KCNU1: variants seen among roughly 807,000 people sequenced by gnomAD.
The protein encoded by KCNU1 is potassium channel subfamily U member 1.
In KCNU1, 93 loss-of-function variants were observed where a neutral mutation model predicts 126.8. The observed-to-expected ratio is 0.73, with a 90% CI of 0.62 to 0.87. The LOEUF is 0.87. Among genes scored for constraint, KCNU1 ranks in the 40% least tolerant of loss-of-function variants. The pLI is 0.00. For synonymous variants in KCNU1, 523 were observed against 494.2 expected, an observed-to-expected ratio of 1.06 and a Z score of -0.77; for missense variants, 1,330 against 1,367.1, an observed-to-expected ratio of 0.97 and a Z score of 0.43.
chr8:36,867,760 A>G (rs1214144546), intron 19 of KCNU1, among the ~76,000 whole-genome samples: 1 of 152,132 alleles, frequency 6.6e-6, no homozygotes, highest in East Asian at 1.9e-4. Context: ...ATAATTTAAC[A>G]TATCAGAATT....
Position 36,909,358 on chromosome 8 carries a change from A to C in KCNU1, c.2154A>C (p.Ala718=). ...ATAAGTTTCGGAACCATATTGTAGC[A>C]TGTGTATTTGGAGATGCCCACTCAG... ...SKYKFRNHIV[A]CVFGDAHSAP... The change falls in exon 21 of 27, where the codon GCA becomes GCC. Residue 718 remains alanine, a synonymous_variant. Coordinates refer to ENST00000399881, the MANE Select transcript of KCNU1 (RefSeq NM_001031836.3). 1 of 1,613,770 alleles carries C rather than the reference A, an allele frequency of 6.2e-7. No individual in the cohort carries two copies. The highest frequency in any genetic ancestry group is 2.2e-5 in the East Asian group (1 of 44,868).
chr8:36,814,096 T>C (rs1395193551), intron 7 of KCNU1, 111 bp from the exon 8 acceptor site: 3 of 739,816 alleles, frequency 4.1e-6, no homozygotes, highest in South Asian at 1.9e-5. Context: ...AGCCATTTGG[T>C]ATTTCATTTG....
intron 19 of KCNU1, among the ~76,000 whole-genome samples, chr8:36,879,978 A>G (rs1806414072): frequency 6.6e-6 from 1 of 152,246 alleles, no homozygotes; most frequent in South Asian, 2.1e-4. Flanking sequence ...TCCAGCGTAC[A>G]GCAACTCTGG....
At chr8:36,849,632 C>T (rs1563293841) in intron 18 of KCNU1, among the ~76,000 whole-genome samples, 1 of 152,060 alleles carries the variant, frequency 6.6e-6, no homozygotes, top group Non-Finnish European at 1.5e-5. Context: ...AACCTCATTT[C>T]TTTTTCTTGC....
In KCNU1 at chr8:36,833,591, T is replaced by C. The variant is rs186130705; in HGVS notation, c.1144T>C (p.Cys382Arg). Residue 382 changes from cysteine to arginine, a missense_variant, in exon 11 of 27, where the codon TGC (cysteine) becomes CGC (arginine). Cys to Arg is a radical substitution (Grantham distance 180). Around this residue, in one of 3 missense-constraint regions of KCNU1, gnomAD observed 1,054 missense variants for 1,053.9 expected, o/e 1.00. Coordinates refer to ENST00000399881, the MANE Select transcript of KCNU1 (RefSeq NM_001031836.3). The stretch of plus-strand genomic sequence containing the variant: ...TTTGGAACTTGAAACCATATTTAAA[T>C]GCTACTTGGCCTACACAACGTTCAT... The part of the protein sequence containing the change: ...PSLELETIFK[C>R]YLAYTTFISG... The C allele has an allele frequency of 1.9e-3, 3,060 of 1,612,252 alleles. 4 individuals are homozygous for C. Among genetic ancestry groups the C allele is most frequent in the Non-Finnish European group, 2.3e-3 (2,726 of 1,178,594 alleles).
intron 19 of KCNU1, among the ~76,000 whole-genome samples, chr8:36,893,649 G>T (rs1461794648): frequency 6.6e-6 from 1 of 151,996 alleles, no homozygotes; most frequent in Non-Finnish European, 1.5e-5. Context: ...ATAGTGGAAT[G>T]GGAATAGCAC....
At chr8:36,899,424 T>C (rs1309541732) in intron 19 of KCNU1, among the ~76,000 whole-genome samples, 1 of 151,872 alleles carries the variant, frequency 6.6e-6, no homozygotes, top group Non-Finnish European at 1.5e-5. Flanking sequence ...TTGTTTACCT[T>C]AGAACACAGT....
chr8:36,887,087 G>A (rs1030980612), intron 19 of KCNU1, among the ~76,000 whole-genome samples: 1 of 151,970 alleles, frequency 6.6e-6, no homozygotes, highest in African/African-American at 2.4e-5. Context: ...TTACAATTGT[G>A]AATTATGCTG....
chr8:36,904,363 CATTTCATT>C (rs895641183), intron 19 of KCNU1, among the ~76,000 whole-genome samples: 2 of 152,126 alleles, frequency 1.3e-5, no homozygotes, highest in African/African-American at 4.8e-5. Flanking sequence ...TCTCTTCTCA[CATTTCATT>C]GGACAGAGCT....
At chr8:36,794,649 A>T (rs868659571) in intron 2 of KCNU1, among the ~76,000 whole-genome samples, 7 of 152,266 alleles carry the variant, frequency 4.6e-5, no homozygotes, top group South Asian at 2.1e-4. Context: ...CTGGCCAGGC[A>T]TGGTGGTTCA....
chr8:36,910,474 A>G (rs1037561252), intron 21 of KCNU1, among the ~76,000 whole-genome samples: 1 of 152,182 alleles, frequency 6.6e-6, no homozygotes, highest in Non-Finnish European at 1.5e-5. Flanking sequence ...TTTTTCCACC[A>G]AAGAAAGAAG....
intron 16 of KCNU1, among the ~76,000 whole-genome samples, chr8:36,844,087 T>C (rs12548075): frequency 0.25 from 37,982 of 152,020 alleles, 5,129 homozygotes; most frequent in East Asian, 0.41. Flanking sequence ...TTTAAAAAAA[T>C]GAAAGGAGCG....
intron 3 of KCNU1, 140 bp from the exon 4 acceptor site, chr8:36,805,055 T>C (rs1803447393): frequency 5.1e-6 from 3 of 587,484 alleles, no homozygotes; most frequent in Non-Finnish European, 9.1e-6. Flanking sequence ...GAAAAGTTAA[T>C]TTCCTTGAGA....
intron 10 of KCNU1, among the ~76,000 whole-genome samples, chr8:36,830,514 T>C (rs950563553): frequency 9.9e-5 from 15 of 152,094 alleles, no homozygotes; most frequent in Admixed American, 9.8e-4. Context: ...TTTGGTAATA[T>C]GATTATTTTG....
At chr8:36,911,853 G>A (rs1047157974) in intron 22 of KCNU1, among the ~76,000 whole-genome samples, 6 of 152,156 alleles carry the variant, frequency 3.9e-5, no homozygotes, top group Admixed American at 1.3e-4. Flanking sequence ...TGCTCAAAAT[G>A]TGCCTATGGT....
At chr8:36,930,547 C>T (rs548788996) in intron 24 of KCNU1, among the ~76,000 whole-genome samples, 4 of 152,096 alleles carry the variant, frequency 2.6e-5, no homozygotes, top group Non-Finnish European at 5.9e-5. Context: ...ATTAGTTCCC[C>T]ACTGGAAAAT....
At chr8:36,786,514 A>G (rs1802716073) in intron 1 of KCNU1, among the ~76,000 whole-genome samples, 1 of 152,180 alleles carries the variant, frequency 6.6e-6, no homozygotes, top group African/African-American at 2.4e-5. Context: ...CTGGCTTCAT[A>G]TAAAATGAGC....
At chr8:36,917,285 A>G (rs917928935) in intron 22 of KCNU1, among the ~76,000 whole-genome samples, 2 of 152,084 alleles carry the variant, frequency 1.3e-5, no homozygotes, top group Non-Finnish European at 2.9e-5. Flanking sequence ...ACAACTTACA[A>G]TGCCATTATG....
intron 19 of KCNU1, among the ~76,000 whole-genome samples, chr8:36,869,364 A>G (rs1402488716): frequency 6.6e-6 from 1 of 152,168 alleles, no homozygotes; most frequent in African/African-American, 2.4e-5. Context: ...AAGTCAACTT[A>G]TGGCCCATAT....
Sources: allele counts gnomAD v4.1 joint callset (sites outside exome capture counted in the v4.1 genomes callset), GRCh38; gene constraint gnomAD v4.1.1; regional missense constraint gnomAD v4.1.1; transcripts MANE v1.5; gene names NCBI Gene and HGNC (gene_info 2026-07-23, HGNC 2026-07-21).